Variants in MAGEA11 observed in about 807,000 individuals in gnomAD.
The protein encoded by MAGEA11 is MAGE family member A11, also known as melanoma-associated antigen 11.
MAGEA11 carries 1 observed loss-of-function variant against 8.4 expected under a neutral mutation model. The observed-to-expected ratio is 0.12, with a 90% CI of 0.04 to 0.57. MAGEA11 has a LOEUF of 0.57. MAGEA11 is among the 20% of genes least tolerant of loss of function. MAGEA11 has a pLI of 0.91. For synonymous variants in MAGEA11, 127 were observed against 119.3 expected (o/e 1.06, Z -0.42); for missense variants, 209 against 317.3 (o/e 0.66, Z 2.59).
At chrX:149,697,173 C>A (rs1391632535) in intron 1 of MAGEA11, among the ~76,000 whole-genome samples, 1 of 110,583 alleles carries the variant, frequency 9.0e-6, no homozygotes, top group Non-Finnish European at 1.9e-5. Context: ...AGCACCACAC[C>A]CCTTGACCCT....
intron 1 of MAGEA11, among the ~76,000 whole-genome samples, chrX:149,702,369 T>C (rs2090358028): frequency 8.9e-6 from 1 of 111,887 alleles, no homozygotes; most frequent in Non-Finnish European, 1.9e-5. Context: ...ATGTTTATAA[T>C]GTTTCATATT....
At chrX:149,706,133 T>C (rs1300527366) in intron 1 of MAGEA11, among the ~76,000 whole-genome samples, 2 of 111,854 alleles carry the variant, frequency 1.8e-5, no homozygotes, top group Non-Finnish European at 3.8e-5. Context: ...TATAGATGGA[T>C]CCAGCAGGTG....
At chrX:149,699,894 A>G (rs782425788) in intron 1 of MAGEA11, among the ~76,000 whole-genome samples, 1 of 112,261 alleles carries the variant, frequency 8.9e-6, no homozygotes, top group South Asian at 3.8e-4. Context: ...GGCCTCAGGA[A>G]ACTTTCAATC....
intron 1 of MAGEA11, among the ~76,000 whole-genome samples, chrX:149,700,886 G>A (rs372102359): frequency 9.5e-6 from 1 of 105,309 alleles, no homozygotes; most frequent in Non-Finnish European, 2.0e-5. Flanking sequence ...CCCTACAAAG[G>A]ACATGAACTC....
intron 1 of MAGEA11, among the ~76,000 whole-genome samples, chrX:149,704,402 G>A (rs1302145275): frequency 8.9e-6 from 1 of 112,433 alleles, no homozygotes; most frequent in African/African-American, 3.2e-5. Context: ...GGATTGAGAA[G>A]GGACTTCGCT....
At chrX:149,689,249 C>T (rs191735393) in intron 1 of MAGEA11, among the ~76,000 whole-genome samples, 105 of 110,515 alleles carry the variant, frequency 9.5e-4, no homozygotes, top group African/African-American at 3.4e-3. Context: ...ATGGAAAACC[C>T]ATGGAGATGG....
chrX:149,709,698 G>A (rs1557361759), upstream of MAGEA11, among the ~76,000 whole-genome samples: 2 of 112,195 alleles, frequency 1.8e-5, no homozygotes, highest in African/African-American at 6.5e-5. Context: ...TATACCTTCA[G>A]TGTGATTCCC....
chrX:149,690,762 G>A (rs2090306943), intron 1 of MAGEA11, among the ~76,000 whole-genome samples: 2 of 75,913 alleles, frequency 2.6e-5, no homozygotes, highest in African/African-American at 5.0e-5. Context: ...GTGTAGATCC[G>A]GATTTTTCTC....
chrX:149,693,390 T>C (rs1430541245), intron 1 of MAGEA11, among the ~76,000 whole-genome samples: 4 of 111,397 alleles, frequency 3.6e-5, no homozygotes, highest in African/African-American at 1.3e-4. Context: ...AGTCTCCCAA[T>C]GGTGATCTGT....
chrX:149,712,165 G>A lies in MAGEA11; in HGVS notation c.-18+3G>A, dbSNP rs1216500072. On this transcript the variant is annotated splice_donor_region_variant and intron_variant, in intron 1 of 4. Coordinates refer to ENST00000355220, the MANE Select transcript of MAGEA11 (RefSeq NM_005366.5). ...TCCAGGCTCCATGAGGAGGCAAGGT[G>A]AGAGCTGAGGGAGGACTGAGGAGTC... 1 of 751,594 alleles carries A rather than the reference G, an allele frequency of 1.3e-6. No homozygotes were observed. The highest frequency in any genetic ancestry group is 1.5e-4 in the East Asian group (1 of 6,581). The allele number at this position is 751,594 out of a possible 1,213,427, so 61.9% of individuals were successfully genotyped here.
chrX:149,713,039 T>C, intron 1 of MAGEA11, 104 bp from the exon 2 acceptor site: 2 of 506,051 alleles, frequency 4.0e-6, no homozygotes, highest in Non-Finnish European at 6.9e-6. Flanking sequence ...CAGTCCCTGC[T>C]GGGAGGTGAG....
At chrX:149,697,032 G>C (rs2090332747) in intron 1 of MAGEA11, among the ~76,000 whole-genome samples, 1 of 111,082 alleles carries the variant, frequency 9.0e-6, no homozygotes, top group African/African-American at 3.3e-5. Flanking sequence ...TAATCTTAAG[G>C]AGTGTGGACC....
intron 2 of MAGEA11, 89 bp from the exon 3 acceptor site, chrX:149,714,392 G>T: frequency 8.7e-7 from 1 of 1,144,731 alleles, no homozygotes; most frequent in Non-Finnish European, 1.2e-6. Context: ...AGAACCGAAG[G>T]GTCCAGCCTC....
At chrX:149,700,577 TA>T (rs2090348098) in intron 1 of MAGEA11, among the ~76,000 whole-genome samples, 1 of 111,367 alleles carries the variant, frequency 9.0e-6, no homozygotes, top group South Asian at 3.8e-4. Context: ...ACTTTTTTTT[TA>T]TTGTACTTTA....
At chrX:149,692,156 T>TAGCACATTA (rs1256810045) in intron 1 of MAGEA11, among the ~76,000 whole-genome samples, 3 of 111,814 alleles carry the variant, frequency 2.7e-5, no homozygotes, top group Non-Finnish European at 5.6e-5. Flanking sequence ...CCTGTAATCC[T>TAGCACATTA]AGCACATTAC....
intron 1 of MAGEA11, among the ~76,000 whole-genome samples, chrX:149,705,272 T>A (rs947400808): frequency 8.9e-6 from 1 of 111,771 alleles, no homozygotes; most frequent in Non-Finnish European, 1.9e-5. Context: ...CGGTTTGAGA[T>A]AATTGAATCA....
At chrX:149,700,062 T>A (rs1557360859) in intron 1 of MAGEA11, among the ~76,000 whole-genome samples, 1 of 112,609 alleles carries the variant, frequency 8.9e-6, no homozygotes, top group African/African-American at 3.2e-5. Flanking sequence ...CCCCATGATC[T>A]GATGACATCC....
Position 149,712,094 on chromosome X carries a change from A to G in MAGEA11, c.-86A>G. 2 of 752,798 alleles carry G rather than the reference A, an allele frequency of 2.7e-6. No homozygotes were observed. Among genetic ancestry groups the G allele is most frequent in the Non-Finnish European group, 3.1e-6 (2 of 638,362 alleles). The allele number at this position is 752,798 out of a possible 1,213,427, so 62.0% of individuals were successfully genotyped here. ...CGCCTCTGGGATCTGAGAGAAGCGAAAGCGTCTTTCTGAGGGGTGTCTTGA... is the reference window on the plus strand; with the variant it reads ...CGCCTCTGGGATCTGAGAGAAGCGAGAGCGTCTTTCTGAGGGGTGTCTTGA... On this transcript the variant is annotated 5_prime_UTR_variant, in exon 1 of 5. Transcript: ENST00000355220.
chrX:149,688,667 CATATACAT>C (rs781975300), upstream of MAGEA11, among the ~76,000 whole-genome samples: 3 of 22,512 alleles, frequency 1.3e-4, no homozygotes, highest in East Asian at 4.7e-3. Context: ...CATACATATA[CATATACAT>C]ATACATATAC....
Sources: gnomAD v4.1 joint callset for allele counts (sites outside exome capture counted in the v4.1 genomes callset) on GRCh38, gnomAD v4.1.1 for gene constraint, MANE v1.5 for transcripts, NCBI Gene and HGNC (gene_info 2026-07-23, HGNC 2026-07-21) for gene names.